Variants in LRMDA observed in about 807,000 individuals in gnomAD.
LRMDA encodes the protein leucine rich melanocyte differentiation associated, also known as leucine-rich melanocyte differentiation-associated protein.
Under a neutral mutation model 29.8 loss-of-function variants are expected in LRMDA, and 18 were observed. That is an observed-to-expected ratio of 0.60 (90% confidence interval 0.42 to 0.90). The LOEUF is 0.90. Among genes scored for constraint, LRMDA ranks in the 40% least tolerant of loss-of-function variants. The pLI, the probability that LRMDA is intolerant of heterozygous loss-of-function variation, is 0.00. For synonymous variants in LRMDA, 125 were observed against 109.4 expected (o/e 1.14, Z -0.89); for missense variants, 273 against 273.9 (o/e 1.00, Z 0.02).
chr10:75,516,334 G>A (rs926084492), intron 2 of LRMDA, among the ~76,000 whole-genome samples: 30 of 152,162 alleles, frequency 2.0e-4, no homozygotes, highest in South Asian at 4.1e-4. Context: ...GTGTGAAAGC[G>A]TTCCTATTTC....
intron 2 of LRMDA, among the ~76,000 whole-genome samples, chr10:75,643,765 C>T (rs1180042568): frequency 6.6e-6 from 1 of 152,070 alleles, no homozygotes; most frequent in Non-Finnish European, 1.5e-5. Context: ...AAATAATTTA[C>T]AAAATGATGA....
At chr10:76,259,579 A>G (rs573652288) in intron 5 of LRMDA, among the ~76,000 whole-genome samples, 2 of 152,194 alleles carry the variant, frequency 1.3e-5, no homozygotes, top group South Asian at 2.1e-4. Context: ...TGTTAAGTCC[A>G]TTTGGTCTCT....
intron 2 of LRMDA, among the ~76,000 whole-genome samples, chr10:75,469,634 CAAGTGGTGGGCAGTG>C (rs1219021532): frequency 6.6e-6 from 1 of 152,010 alleles, no homozygotes; most frequent in Non-Finnish European, 1.5e-5. Context: ...CCCCATGTAT[CAAGTGGTGGGCAGTG>C]GAAGAGGATG....
At chr10:76,543,023 G>A (rs1376408253) in intron 6 of LRMDA, among the ~76,000 whole-genome samples, 1 of 152,180 alleles carries the variant, frequency 6.6e-6, no homozygotes, top group Non-Finnish European at 1.5e-5. Context: ...AGGGTGCGCA[G>A]GGTGTGTGCT....
Position 76,159,066 on chromosome 10 carries a change from A to G in LRMDA, c.516+100283A>G, listed in dbSNP as rs574876013. Among the ~76,000 whole-genome samples the G allele has an allele frequency of 3.9e-5, 6 of 152,302 alleles. No homozygotes were observed. In the South Asian group the frequency reaches 6.2e-4, roughly 16 times the overall value. On this transcript the variant is annotated intron_variant, in intron 5 of 6. Coordinates refer to ENST00000611255, the MANE Select transcript of LRMDA (RefSeq NM_001305581.2). ...GCTCATATCCATTATTATCAAAACAATGTTATTTCTGGATGCACATAGATG... is the reference window on the plus strand; with the variant it reads ...GCTCATATCCATTATTATCAAAACAGTGTTATTTCTGGATGCACATAGATG...
chr10:76,228,543 G>C (rs368737259), intron 5 of LRMDA, among the ~76,000 whole-genome samples: 2 of 152,256 alleles, frequency 1.3e-5, no homozygotes, highest in East Asian at 1.9e-4. Flanking sequence ...ACAGACACTT[G>C]CCGCTGATTG....
intron 2 of LRMDA, among the ~76,000 whole-genome samples, chr10:75,455,583 G>A (rs1365069180): frequency 6.6e-6 from 1 of 152,168 alleles, no homozygotes; most frequent in Non-Finnish European, 1.5e-5. Context: ...TTGAGCTAGT[G>A]AGTGGCATTG....
At chr10:76,145,124 G>C (rs558749339) in intron 5 of LRMDA, among the ~76,000 whole-genome samples, 1 of 152,316 alleles carries the variant, frequency 6.6e-6, no homozygotes, top group South Asian at 2.1e-4. Context: ...TTGCATCAAT[G>C]TTCGTCAAGG....
chr10:75,440,715 G>C (rs1225802213), intron 2 of LRMDA, among the ~76,000 whole-genome samples: 1 of 152,150 alleles, frequency 6.6e-6, no homozygotes, highest in Non-Finnish European at 1.5e-5. Flanking sequence ...AGATGTTTTA[G>C]ATGCTTAGCT....
chr10:75,865,827 A>G lies in LRMDA; in HGVS notation c.132-170181A>G, dbSNP rs1845009045. ...TAATGAATCATTATCATGTACTACC[A>G]TCAAAGGTTATTCACTGAAAGCTGA... On this transcript the variant is annotated intron_variant, in intron 2 of 6. Coordinates refer to ENST00000611255, the MANE Select transcript of LRMDA (RefSeq NM_001305581.2). Among the ~76,000 whole-genome samples, 2 of 152,188 alleles carry G rather than the reference A, an allele frequency of 1.3e-5. 1 individual carries two copies. Among genetic ancestry groups the G allele is most frequent in the South Asian group, 4.1e-4 (2 of 4,832 alleles).
intron 2 of LRMDA, among the ~76,000 whole-genome samples, chr10:75,939,909 C>CTG (rs1181692127): frequency 6.6e-6 from 1 of 152,158 alleles, no homozygotes; most frequent in Non-Finnish European, 1.5e-5. Flanking sequence ...TGATATGACA[C>CTG]TGTGACATGT....
At chr10:75,846,953 T>C (rs1844649543) in intron 2 of LRMDA, among the ~76,000 whole-genome samples, 1 of 152,182 alleles carries the variant, frequency 6.6e-6, no homozygotes, top group South Asian at 2.1e-4. Context: ...TATAAATCTA[T>C]GTAATCTTGA....
At chr10:75,741,780 A>G (rs1319505399) in intron 2 of LRMDA, among the ~76,000 whole-genome samples, 2 of 152,080 alleles carry the variant, frequency 1.3e-5, no homozygotes, top group African/African-American at 4.8e-5. Flanking sequence ...CGCACAGCCA[A>G]CCTTCCTGTT....
chr10:76,370,976 G>A (rs1841447561), intron 6 of LRMDA, among the ~76,000 whole-genome samples: 1 of 152,086 alleles, frequency 6.6e-6, no homozygotes, highest in South Asian at 2.1e-4. Flanking sequence ...TGAACAAGGA[G>A]TTTCAAATGT....
At chr10:75,974,325 G>T (rs1259412601) in intron 2 of LRMDA, among the ~76,000 whole-genome samples, 1 of 152,162 alleles carries the variant, frequency 6.6e-6, no homozygotes, top group East Asian at 1.9e-4. Flanking sequence ...AAAGTGGGAT[G>T]CTCAACATTG....
At chr10:76,319,548 A>G (rs1840743551) in intron 5 of LRMDA, among the ~76,000 whole-genome samples, 1 of 152,170 alleles carries the variant, frequency 6.6e-6, no homozygotes, top group Non-Finnish European at 1.5e-5. Context: ...TGACCCAGCA[A>G]TGCAACCAAT....
chr10:75,787,457 G>A (rs1843491708), intron 2 of LRMDA, among the ~76,000 whole-genome samples: 1 of 152,274 alleles, frequency 6.6e-6, no homozygotes. Context: ...GGCAGTTGGT[G>A]AACTTGGTTG....
chr10:76,093,865 G>A (rs1030875819), intron 5 of LRMDA, among the ~76,000 whole-genome samples: 3 of 152,186 alleles, frequency 2.0e-5, no homozygotes, highest in African/African-American at 7.2e-5. Flanking sequence ...ATCTGCAGCT[G>A]TGTTACCTTC....
At chr10:75,985,322 A>C (rs1396686043) in intron 2 of LRMDA, among the ~76,000 whole-genome samples, 3 of 152,252 alleles carry the variant, frequency 2.0e-5, no homozygotes, top group Non-Finnish European at 2.9e-5. Flanking sequence ...TAGCATAAGC[A>C]AAAAGGAAAT....
Sources: gnomAD v4.1 joint callset for allele counts (sites outside exome capture counted in the v4.1 genomes callset) on GRCh38, gnomAD v4.1.1 for gene constraint, MANE v1.5 for transcripts, NCBI Gene and HGNC (gene_info 2026-07-23, HGNC 2026-07-21) for gene names.